ADORA1: variants seen among roughly 807,000 people sequenced by gnomAD.
The protein encoded by ADORA1 is adenosine A1 receptor.
ADORA1 carries 6 observed loss-of-function variants against 19.9 expected under a neutral mutation model. The observed-to-expected ratio is 0.30, with a 90% CI of 0.17 to 0.59. The LOEUF is 0.59. Among genes scored for constraint, ADORA1 ranks in the 20% least tolerant of loss-of-function variants. The probability of loss-of-function intolerance (pLI) is 0.87; values close to 1 mark genes in which losing one functional copy is unlikely to be tolerated. For synonymous variants in ADORA1, 194 were observed against 188.4 expected (o/e 1.03, Z -0.24); for missense variants, 302 against 439.2 (o/e 0.69, Z 2.79).
At chr1:203,146,339 A>G (rs1038608666) in intron 3 of ADORA1, among the ~76,000 whole-genome samples, 3 of 152,194 alleles carry the variant, frequency 2.0e-5, no homozygotes, top group Non-Finnish European at 4.4e-5. Context: ...GACAGAATAT[A>G]AGATCTTGGC....
At chr1:203,155,476 G>A (rs1010903935) in intron 3 of ADORA1, among the ~76,000 whole-genome samples, 4 of 152,214 alleles carry the variant, frequency 2.6e-5, no homozygotes, top group African/African-American at 7.2e-5. Context: ...GCACAGTCGG[G>A]TCTCCAACTA....
chr1:203,158,815 A>G (rs575774117), intron 3 of ADORA1, among the ~76,000 whole-genome samples: 4 of 152,320 alleles, frequency 2.6e-5, no homozygotes, highest in East Asian at 1.9e-4. Flanking sequence ...TTTCTGGCTC[A>G]TCCTATGGCT....
chr1:203,137,743 A>G (rs180891500), intron 3 of ADORA1, among the ~76,000 whole-genome samples: 27 of 152,312 alleles, frequency 1.8e-4, no homozygotes, highest in Admixed American at 1.6e-3. Flanking sequence ...GCATATGTAT[A>G]TACCTATATA....
intron 3 of ADORA1, among the ~76,000 whole-genome samples, chr1:203,134,590 G>C (rs1303590471): frequency 6.6e-6 from 1 of 152,192 alleles, no homozygotes; most frequent in Non-Finnish European, 1.5e-5. Flanking sequence ...CTGCGTGGAA[G>C]CCGGAGAATG....
intron 3 of ADORA1, among the ~76,000 whole-genome samples, chr1:203,131,785 C>G (rs1361276013): frequency 2.0e-5 from 3 of 152,232 alleles, no homozygotes; most frequent in Non-Finnish European, 4.4e-5. Flanking sequence ...CCAGGAGGAA[C>G]AGCATGCTTT....
chr1:203,150,811 C>A (rs1021509467), intron 3 of ADORA1: 28 of 1,158,480 alleles, frequency 2.4e-5, no homozygotes, highest in Non-Finnish European at 2.9e-5. Context: ...TCTGTCCTCC[C>A]CCTATCTGCT....
intron 3 of ADORA1, 31 bp downstream of exon 3, chr1:203,129,213 C>T (rs938580907): frequency 1.5e-5 from 24 of 1,579,630 alleles, no homozygotes; most frequent in Non-Finnish European, 1.9e-5. Flanking sequence ...GTACTCGCAG[C>T]ACCACATGAT....
At chr1:203,154,247 C>T (rs753850959) in intron 3 of ADORA1, among the ~76,000 whole-genome samples, 2 of 152,128 alleles carry the variant, frequency 1.3e-5, no homozygotes, top group East Asian at 3.9e-4. Flanking sequence ...TGAGTGAAGG[C>T]GTTTGTAAGA....
chr1:203,128,238 C>G lies in ADORA1; in HGVS notation c.-212-40C>G, dbSNP rs1004698926. The G allele has an allele frequency of 5.3e-5, 56 of 1,063,660 alleles. No individual in the cohort carries two copies. In the African/African-American group the frequency reaches 7.1e-4, roughly 14 times the overall value. 65.9% of individuals were successfully genotyped at this position (1,063,660 alleles called of 1,614,324 possible). ...GGGGCGCTACCTCTTTAAAAGCGTCCGGGGCTGAGTCTCTGCCGTACCATG... is the reference window on the plus strand; with the variant it reads ...GGGGCGCTACCTCTTTAAAAGCGTCGGGGGCTGAGTCTCTGCCGTACCATG... On this transcript the variant is annotated intron_variant, in intron 1 of 3. Coordinates refer to ENST00000337894, the MANE Select transcript of ADORA1 (RefSeq NM_000674.3). The surrounding 1 kb of genome is among the most constrained non-coding windows in gnomAD (Gnocchi z 5.9).
At chr1:203,143,940 C>T (rs1490532479) in intron 3 of ADORA1, among the ~76,000 whole-genome samples, 3 of 152,230 alleles carry the variant, frequency 2.0e-5, no homozygotes, top group Non-Finnish European at 4.4e-5. Flanking sequence ...GCCACCTCCC[C>T]GGCTTGGAAG....
intron 3 of ADORA1, among the ~76,000 whole-genome samples, chr1:203,140,067 T>C (rs557789586): frequency 1.3e-5 from 2 of 152,330 alleles, no homozygotes; most frequent in African/African-American, 4.8e-5. Context: ...ATAAAAAGGA[T>C]AATATATCAC....
rs760363858 is a variant in ADORA1 at position 203,165,161 on chromosome 1, G to T, written c.342-100G>T. The T allele has an allele frequency of 3.8e-6, 6 of 1,586,728 alleles. No individual in the cohort carries two copies. The highest frequency in any genetic ancestry group is 2.7e-5 in the African/African-American group (2 of 74,036). On this transcript the variant is annotated intron_variant, in intron 3 of 3. Transcript: ENST00000337894. The surrounding 1 kb of genome is among the most constrained non-coding windows in gnomAD (Gnocchi z 5.9). ...ACTCACCGGGCCCTGGAAGAGGAGG[G>T]TGCTCCTCTTAGAGGCCCCTGGAGG...
At chr1:203,145,413 A>T (rs1043059021) in intron 3 of ADORA1, among the ~76,000 whole-genome samples, 2 of 152,262 alleles carry the variant, frequency 1.3e-5, no homozygotes, top group African/African-American at 2.4e-5. Flanking sequence ...TTGTTAGTAA[A>T]TGGGAATGGC....
At chr1:203,129,495 C>T (rs539915147) in intron 3 of ADORA1, 52 of 381,670 alleles carry the variant, frequency 1.4e-4, no homozygotes, top group Non-Finnish European at 2.2e-4. Flanking sequence ...GGAAGAGCCA[C>T]TAAGATGGGG....
intron 3 of ADORA1, among the ~76,000 whole-genome samples, chr1:203,131,533 C>T (rs1295540601): frequency 1.3e-5 from 2 of 152,192 alleles, no homozygotes; most frequent in Non-Finnish European, 2.9e-5. Context: ...CTCTCACTTT[C>T]TTGCTGTGGG....
At chr1:203,130,997 T>G (rs1654314344) in intron 3 of ADORA1, among the ~76,000 whole-genome samples, 1 of 152,208 alleles carries the variant, frequency 6.6e-6, no homozygotes, top group Non-Finnish European at 1.5e-5. Flanking sequence ...ACCTAACCGC[T>G]TTAAGCTTTA....
chr1:203,156,441 G>A (rs1655201561), intron 3 of ADORA1, among the ~76,000 whole-genome samples: 1 of 152,176 alleles, frequency 6.6e-6, no homozygotes, highest in Admixed American at 6.5e-5. Flanking sequence ...CAAAGCCCCT[G>A]AGGTAGGAGA....
At chr1:203,156,068 A>G (rs1160109296) in intron 3 of ADORA1, among the ~76,000 whole-genome samples, 11 of 152,226 alleles carry the variant, frequency 7.2e-5, no homozygotes, top group Non-Finnish European at 1.5e-5. Flanking sequence ...ACATGTATTT[A>G]TTCATTCATT....
Position 203,166,438 on chromosome 1 carries a change from G to T in ADORA1, c.*538G>T, listed in dbSNP as rs990079342. 1 of 152,578 alleles carries T rather than the reference G, an allele frequency of 6.6e-6. No homozygotes were observed. The allele number at this position is 152,578 out of a possible 1,614,324, so 9.5% of individuals were successfully genotyped here. On this transcript the variant is annotated 3_prime_UTR_variant, in exon 4 of 4. Transcript: ENST00000337894. ...GAGACTGGCCAGAGGCAGCTAAGGG[G>T]CAGGAATCAAGGAGCCTCCGTTCCC... is the stretch of plus-strand genomic sequence containing the variant.
Sources: allele counts gnomAD v4.1 joint callset (sites outside exome capture counted in the v4.1 genomes callset), GRCh38; gene constraint gnomAD v4.1.1; non-coding constraint Gnocchi (gnomAD v3.1); transcripts MANE v1.5; gene names NCBI Gene and HGNC (gene_info 2026-07-23, HGNC 2026-07-21).